TRAF6: variants seen among roughly 807,000 people sequenced by gnomAD.
The protein encoded by TRAF6 is TNF receptor associated factor 6.
In TRAF6, 10 loss-of-function variants were observed where a neutral mutation model predicts 48.4. The observed-to-expected ratio is 0.21, with a 90% CI of 0.13 to 0.35. The LOEUF (loss-of-function observed/expected upper bound fraction) is 0.35, where lower values mean the gene tolerates loss of function less well. TRAF6 is among the 10% of genes least tolerant of loss of function. TRAF6 has a pLI of 1.00. For synonymous variants in TRAF6, 186 were observed against 219.6 expected (o/e 0.85, Z 1.35); for missense variants, 397 against 661.0 (o/e 0.60, Z 4.38).
At position 36,485,314 on chromosome 11, in the gene TRAF6, C is replaced by T. The variant is rs192002252; in HGVS notation, c.*4524G>A. Among the ~76,000 whole-genome samples, 8 of 152,230 alleles carry T rather than the reference C, an allele frequency of 5.3e-5. No homozygotes were observed. Among genetic ancestry groups the T allele is most frequent in the East Asian group, 3.9e-4 (2 of 5,186 alleles). ...TGCTTTCAATAAATGTTCATTATTACGTATTTGAGTGTGTGCAACGTGCCA... is the reference window on the plus strand; with the variant it reads ...TGCTTTCAATAAATGTTCATTATTATGTATTTGAGTGTGTGCAACGTGCCA... On this transcript the variant is annotated 3_prime_UTR_variant, in exon 7 of 7. Transcript: ENST00000526995.
rs532680672 is a variant in TRAF6 at position 36,484,520 on chromosome 11, T to C, written c.*5318A>G. Among the ~76,000 whole-genome samples, 18 of 152,344 alleles carry C rather than the reference T, an allele frequency of 1.2e-4. No homozygotes were observed. The highest frequency in any genetic ancestry group is 4.3e-4 in the African/African-American group (18 of 41,584). ...TTTACAGAATTATGAGAATCCTCCC[T>C]GGATTCACAGTGTCTTTCTTAATAG... On this transcript the variant is annotated 3_prime_UTR_variant, in exon 7 of 7. Transcript: ENST00000526995.
intron 3 of TRAF6, among the ~76,000 whole-genome samples, chr11:36,498,232 C>G (rs1433556606): frequency 6.6e-6 from 1 of 152,034 alleles, no homozygotes; most frequent in African/African-American, 2.4e-5. Context: ...ATAAAGCTTA[C>G]CAAAAGCTTA....
chr11:36,490,960 T>C lies in TRAF6; in HGVS notation c.757-310A>G, dbSNP rs1859555490. ...ATGCCTGTCCTCTCCAAGATTAACA[T>C]TCTACCTGTGCTCTAAATGTTACCT... On this transcript the variant is annotated intron_variant, in intron 6 of 6. Coordinates refer to ENST00000526995, the MANE Select transcript of TRAF6 (RefSeq NM_004620.4). This position sits in a 1 kb window ranked among gnomAD's most constrained non-coding sequence, Gnocchi z 6.4. Among the ~76,000 whole-genome samples the C allele has an allele frequency of 6.6e-6, 1 of 152,192 alleles. No individual in the cohort carries two copies. Among genetic ancestry groups the C allele is most frequent in the Non-Finnish European group, 1.5e-5 (1 of 68,024 alleles).
At chr11:36,495,590 A>G (rs1233495997) in intron 4 of TRAF6, among the ~76,000 whole-genome samples, 3 of 152,222 alleles carry the variant, frequency 2.0e-5, no homozygotes, top group Non-Finnish European at 2.9e-5. Flanking sequence ...CTAATTTACT[A>G]AAGTTTAGAA....
intron 4 of TRAF6, 41 bp downstream of exon 4, chr11:36,497,067 T>A: frequency 1.9e-6 from 3 of 1,602,398 alleles, no homozygotes; most frequent in Non-Finnish European, 2.6e-6. Flanking sequence ...GAACAATATT[T>A]TAAGAAGTAG....
intron 6 of TRAF6, among the ~76,000 whole-genome samples, chr11:36,491,392 C>G (rs887335273): frequency 6.6e-6 from 1 of 152,130 alleles, no homozygotes; most frequent in Non-Finnish European, 1.5e-5. Flanking sequence ...ACCTAACTTC[C>G]ATTAACATTT....
In TRAF6 at chr11:36,486,608, C is replaced by T. The variant is rs1859487772; in HGVS notation, c.*3230G>A. 6.6e-6 allele frequency among the ~76,000 whole-genome samples: 1 copy of T among 152,090 alleles called. No individual in the cohort carries two copies. The highest frequency in any genetic ancestry group is 2.4e-5 in the African/African-American group (1 of 41,376). On this transcript the variant is annotated 3_prime_UTR_variant, in exon 7 of 7. Coordinates refer to ENST00000526995, the MANE Select transcript of TRAF6 (RefSeq NM_004620.4). The stretch of plus-strand genomic sequence containing the variant: ...ATTATTCCATCATTAGAATAAAAAA[C>T]ACCTGCCTTCATTCTGTTTCACTTT...
At chr11:36,495,233 T>A (rs1178056636) in intron 4 of TRAF6, among the ~76,000 whole-genome samples, 186 bp from the exon 5 acceptor site, 2 of 152,196 alleles carry the variant, frequency 1.3e-5, no homozygotes, top group African/African-American at 4.8e-5. Context: ...AGTGTAATAA[T>A]GAGATTCATT....
chr11:36,502,019 T>A (rs1859724578), intron 1 of TRAF6, among the ~76,000 whole-genome samples: 2 of 152,234 alleles, frequency 1.3e-5, no homozygotes, highest in South Asian at 4.1e-4. Context: ...TTGTTGAAGT[T>A]CCTTGAAGTA....
chr11:36,501,254 T>G lies in TRAF6; in HGVS notation c.262A>C (p.Arg88=). Residue 88 remains arginine, a synonymous_variant, in exon 2 of 7, where the codon AGG becomes CGG. Coordinates refer to ENST00000526995, the MANE Select transcript of TRAF6 (RefSeq NM_004620.4). The part of the protein sequence containing the change: ...REAVQTPCGH[R]FCKACIIKSI... ...TTTATGATGCAGGCTTTGCAGAACC[T>G]ATGGCCGCATGGCGTTTGCACTGCT... 6.2e-7 allele frequency: 1 copy of G among 1,611,476 alleles called. No individual in the cohort carries two copies. The highest frequency in any genetic ancestry group is 8.5e-7 in the Non-Finnish European group (1 of 1,179,286).
In TRAF6 at chr11:36,490,648, C is replaced by T. The variant is rs775208286; in HGVS notation, c.759G>A (p.Met253Ile). 54 of 1,604,910 alleles carry T rather than the reference C, an allele frequency of 3.4e-5. No individual in the cohort carries two copies. In the South Asian group the frequency reaches 5.6e-4, roughly 17 times the overall value. ...GGTGGCGTGCCAAGTGATTCCTCTG[C>T]ATCTAAAAATCAAGCACAAGCCTTA... ...TFSTFGCHEK[M>I]QRNHLARHLQ... Residue 253 changes from methionine (M) to isoleucine (I), a missense_variant and splice_region_variant, in exon 7 of 7, where the codon ATG becomes ATA. Physicochemically the swap from Met to Ile is conservative, Grantham distance 10 (BLOSUM62 1). Coordinates refer to ENST00000526995, the MANE Select transcript of TRAF6 (RefSeq NM_004620.4). This position sits in a 1 kb window ranked among gnomAD's most constrained non-coding sequence, Gnocchi z 6.4.
intron 3 of TRAF6, among the ~76,000 whole-genome samples, chr11:36,497,931 C>T (rs1351625505): frequency 1.3e-5 from 2 of 149,776 alleles, no homozygotes; most frequent in African/African-American, 4.9e-5. Context: ...GTCGCCCAGG[C>T]TGGAGTGCAG....
rs933694984 is a variant in TRAF6 at position 36,484,925 on chromosome 11, CAA to C, written c.*4911_*4912del. Among the ~76,000 whole-genome samples the C allele has an allele frequency of 1.4e-4, 21 of 152,120 alleles. No homozygotes were observed. The highest frequency in any genetic ancestry group is 2.9e-4 in the Non-Finnish European group (20 of 68,024). ...ACTGAAATTCAGCATAACAAATTTG[CAA>C]AGTTTAAAATTAGCTTAACGTGAGG... On this transcript the variant is annotated 3_prime_UTR_variant, in exon 7 of 7. Transcript: ENST00000526995.
At chr11:36,498,432 T>C (rs1859669569) in intron 3 of TRAF6, 58 bp downstream of exon 3, 1 of 1,531,380 alleles carries the variant, frequency 6.5e-7, no homozygotes, top group African/African-American at 1.4e-5. Context: ...GCAAAGTCCC[T>C]ATTCTGTAGG....
chr11:36,498,547 C>T lies in TRAF6; in HGVS notation c.390G>A (p.Leu130=), dbSNP rs1859671187. ...DNFAKREILS[L]MVKCPNEGCL... The stretch of plus-strand genomic sequence containing the variant: ...AACCTTCATTTGGACATTTCACCAT[C>T]AGAGAAAGAATCTCACGTTTTGCAA... The change falls in exon 3 of 7, where the codon CTG becomes CTA. Residue 130 remains leucine (L), a synonymous_variant. Coordinates refer to ENST00000526995, the MANE Select transcript of TRAF6 (RefSeq NM_004620.4). 6.2e-7 allele frequency: 1 copy of T among 1,613,188 alleles called. No individual in the cohort carries two copies. Among genetic ancestry groups the T allele is most frequent in the East Asian group, 2.2e-5 (1 of 44,834 alleles).
rs1859819540 is a variant in TRAF6 at position 36,507,670 on chromosome 11, TGTATATATGTATACATAC to T, written c.-23+2360_-23+2377del. 3.2e-5 allele frequency among the ~76,000 whole-genome samples: 2 copies of T among 62,580 alleles called. 1 individual carries two copies. The highest frequency in any genetic ancestry group is 6.7e-5 in the Non-Finnish European group (2 of 30,040). The allele number at this position is 62,580 out of a possible 152,430, so 41.1% of individuals were successfully genotyped here. On this transcript the variant is annotated intron_variant, in intron 1 of 6. Transcript: ENST00000526995. The stretch of plus-strand genomic sequence containing the variant: ...ATATATGTATACATACACACGCGCG[TGTATATATGTATACATAC>T]ACGAGCGTGTATATATGTATACATA...
At chr11:36,495,197 TA>T (rs752539814) in intron 4 of TRAF6, 150 bp from the exon 5 acceptor site, 62 of 581,880 alleles carry the variant, frequency 1.1e-4, no homozygotes, top group Non-Finnish European at 1.7e-4. Flanking sequence ...GAGTAATATA[TA>T]AAGGCTATTT....
At chr11:36,506,104 C>T (rs553626907) in intron 1 of TRAF6, among the ~76,000 whole-genome samples, 3 of 149,892 alleles carry the variant, frequency 2.0e-5, no homozygotes, top group South Asian at 4.2e-4. Flanking sequence ...AAGACTTGCA[C>T]AACACAGGGT....
Position 36,497,285 on chromosome 11 carries a change from T to A in TRAF6, c.448-19A>T. 6.2e-7 allele frequency: 1 copy of A among 1,600,458 alleles called. No individual in the cohort carries two copies. The highest frequency in any genetic ancestry group is 1.8e-5 in the Admixed American group (1 of 56,624). On this transcript the variant is annotated intron_variant, in intron 3 of 6. Transcript: ENST00000526995. ...GATGATCCTATAATTAAAAAAATAATGGATTAGCATTAGCCAACTCTGAAG... is the reference window on the plus strand; with the variant it reads ...GATGATCCTATAATTAAAAAAATAAAGGATTAGCATTAGCCAACTCTGAAG...
Sources: gnomAD v4.1 joint callset for allele counts (sites outside exome capture counted in the v4.1 genomes callset) on GRCh38, gnomAD v4.1.1 for gene constraint, Gnocchi (gnomAD v3.1) non-coding constraint, MANE v1.5 for transcripts, NCBI Gene and HGNC (gene_info 2026-07-23, HGNC 2026-07-21) for gene names.